Variants in AGAP4 observed in about 807,000 individuals in gnomAD.
AGAP4 encodes arf-GAP with GTPase, ANK repeat and PH domain-containing protein 4.
Under a neutral mutation model 60.7 loss-of-function variants are expected in AGAP4, and 13 were observed. The ratio of observed to expected loss-of-function variants is 0.21; its 90% CI spans 0.14 to 0.34. The LOEUF is 0.34. Ranked by LOEUF, AGAP4 falls within the 10% of genes least tolerant of loss-of-function variation. The pLI is 1.00. For synonymous variants in AGAP4, 70 were observed against 339.0 expected, an observed-to-expected ratio of 0.21 and a Z score of 8.72; for missense variants, 169 against 884.0, an observed-to-expected ratio of 0.19 and a Z score of 10.26.
In AGAP4 at chr10:45,825,612, T is replaced by C. The variant is rs1165067781; in HGVS notation, c.*303A>G. The stretch of plus-strand genomic sequence containing the variant: ...CCATGTGTACAAAAATCAATGCATA[T>C]TTATGAACTTTATTTCAAATATATT... On this transcript the variant is annotated 3_prime_UTR_variant, in exon 8 of 8. Transcript: ENST00000616763. The C allele has an allele frequency of 2.2e-6, 1 of 465,052 alleles. No individual in the cohort carries two copies. The highest frequency in any genetic ancestry group is 3.9e-6 in the Non-Finnish European group (1 of 256,002). 28.8% of individuals were successfully genotyped at this position (465,052 alleles called of 1,614,324 possible).
Position 45,841,443 on chromosome 10 carries a change from A to C in AGAP4, c.396+210T>G, listed in dbSNP as rs1367150114. 4,487 of 449,422 alleles carry C rather than the reference A, an allele frequency of 1.0e-2. 35 individuals are homozygous for C. Among genetic ancestry groups the C allele is most frequent in the Admixed American group, 0.015 (405 of 26,302 alleles). 27.8% of individuals were successfully genotyped at this position (449,422 alleles called of 1,614,324 possible). On this transcript the variant is annotated intron_variant, in intron 4 of 7. Transcript: ENST00000616763. The stretch of plus-strand genomic sequence containing the variant: ...GAACCGGACTATTGAAATTTAACTT[A>C]AATGTCAGAAATCTTTAAAAGGTGG...
upstream of AGAP4, among the ~76,000 whole-genome samples, chr10:45,851,089 A>G (rs1470850914): frequency 6.6e-6 from 1 of 151,834 alleles, no homozygotes; most frequent in Non-Finnish European, 1.5e-5. Flanking sequence ...TAAAGCTAAT[A>G]CATGAAAAAA....
intron 6 of AGAP4, among the ~76,000 whole-genome samples, chr10:45,829,240 A>ATTTCTTT (rs2135922893): frequency 8.1e-6 from 1 of 124,194 alleles, no homozygotes; most frequent in East Asian, 2.2e-4. Flanking sequence ...GAATTTCTTA[A>ATTTCTTT]GAATGTCTTT....
chr10:45,831,801 G>A (rs2058735914), intron 5 of AGAP4, among the ~76,000 whole-genome samples: 2 of 127,388 alleles, frequency 1.6e-5, no homozygotes, highest in East Asian at 2.2e-4. Flanking sequence ...TTGCAGTGGT[G>A]CCATCTTGAC....
intron 4 of AGAP4, among the ~76,000 whole-genome samples, chr10:45,840,015 C>T (rs2135950624): frequency 6.7e-6 from 1 of 150,136 alleles, no homozygotes; most frequent in East Asian, 2.0e-4. Context: ...AATAACAAGA[C>T]TATCAGTAAA....
At chr10:45,854,588 T>C (rs1313330787), upstream of AGAP4, 4 of 131,084 alleles carry the variant, frequency 3.1e-5, no homozygotes, top group African/African-American at 1.2e-4. Context: ...GAGCCAAGAC[T>C]GTGCCACAGA....
upstream of AGAP4, among the ~76,000 whole-genome samples, chr10:45,850,206 G>C (rs2059066650): frequency 6.7e-6 from 1 of 150,206 alleles, no homozygotes; most frequent in East Asian, 2.0e-4. Context: ...TGGGATTGCA[G>C]GCGTGAGCCA....
At position 45,836,938 on chromosome 10, in the gene AGAP4, C is replaced by G. The variant is rs1488441630; in HGVS notation, c.397-2822G>C. 7.4e-5 allele frequency among the ~76,000 whole-genome samples: 11 copies of G among 149,410 alleles called. 1 individual carries two copies. The highest frequency in any genetic ancestry group is 2.7e-4 in the African/African-American group (11 of 40,316). ...GGAATATGCAGTGTGGTGATCTTGGCTCACTGCAACCTCTGCCTCCGAGGT... is the reference window on the plus strand; with the variant it reads ...GGAATATGCAGTGTGGTGATCTTGGGTCACTGCAACCTCTGCCTCCGAGGT... On this transcript the variant is annotated intron_variant, in intron 4 of 7. Coordinates refer to ENST00000616763, the MANE Select transcript of AGAP4 (RefSeq NM_001276343.3).
intron 4 of AGAP4, among the ~76,000 whole-genome samples, chr10:45,839,583 C>T (rs1667888): frequency 1.2e-4 from 15 of 128,886 alleles, no homozygotes; most frequent in Admixed American, 3.0e-4. Context: ...AGGCAGAAAA[C>T]TGGGAGATCC....
At chr10:45,850,797 A>C (rs1224964199), upstream of AGAP4, among the ~76,000 whole-genome samples, 4 of 151,952 alleles carry the variant, frequency 2.6e-5, no homozygotes, top group East Asian at 7.8e-4. Context: ...GAATGTAGGA[A>C]GAGAAATAGG....
intron 4 of AGAP4, among the ~76,000 whole-genome samples, chr10:45,838,352 C>G (rs1349443888): frequency 1.9e-3 from 289 of 151,610 alleles, no homozygotes; most frequent in African/African-American, 6.5e-3. Flanking sequence ...GGATACTGCT[C>G]AGGTGACGGG....
At chr10:45,841,802 A>T in intron 3 of AGAP4, 115 bp from the exon 4 acceptor site, 1 of 1,200,686 alleles carries the variant, frequency 8.3e-7, no homozygotes, top group Non-Finnish European at 1.1e-6. Flanking sequence ...TTCCATTAAA[A>T]AAAAAATTTT....
chr10:45,853,132 GT>G (rs2059104439), intron 1 of AGAP4, among the ~76,000 whole-genome samples: 1 of 150,664 alleles, frequency 6.6e-6, no homozygotes, highest in Non-Finnish European at 1.5e-5. Context: ...TGAAACTTTG[GT>G]TTAGAGGTAA....
intron 2 of AGAP4, among the ~76,000 whole-genome samples, chr10:45,844,761 GAC>G (rs2058974825): frequency 6.8e-6 from 1 of 147,102 alleles, no homozygotes; most frequent in African/African-American, 2.5e-5. Context: ...AGTTTTAAAA[GAC>G]AGGTCTATTT....
upstream of AGAP4, chr10:45,848,055 C>A (rs2059029184): frequency 1.0e-6 from 1 of 990,794 alleles, no homozygotes; most frequent in East Asian, 1.1e-4. Context: ...CCAAGTTGAA[C>A]AACTTTTATT....
chr10:45,841,758 CT>C, intron 3 of AGAP4, 71 bp from the exon 4 acceptor site: 1 of 881,678 alleles, frequency 1.1e-6, no homozygotes, highest in South Asian at 2.0e-5. Flanking sequence ...TTGTTAACAT[CT>C]TACTGATTAC....
chr10:45,842,899 C>T (rs1440418225), intron 3 of AGAP4, among the ~76,000 whole-genome samples: 6 of 117,830 alleles, frequency 5.1e-5, no homozygotes, highest in East Asian at 2.5e-4. Context: ...ATGTTGGAGA[C>T]AGGGCCTAGT....
chr10:45,842,383 AG>A (rs1385107193), intron 3 of AGAP4, among the ~76,000 whole-genome samples: 1 of 150,678 alleles, frequency 6.6e-6, no homozygotes, highest in Non-Finnish European at 1.5e-5. Flanking sequence ...CTGGGACCAC[AG>A]GCACGTGCCA....
intron 2 of AGAP4, 74 bp from the exon 3 acceptor site, chr10:45,844,468 G>C: frequency 6.3e-7 from 1 of 1,588,534 alleles, no homozygotes; most frequent in Non-Finnish European, 8.5e-7. Context: ...TTATTCGACT[G>C]CTGCATTTAG....
Sources: allele counts gnomAD v4.1 joint callset (sites outside exome capture counted in the v4.1 genomes callset), GRCh38; gene constraint gnomAD v4.1.1; transcripts MANE v1.5; gene names NCBI Gene and HGNC (gene_info 2026-07-23, HGNC 2026-07-21).